DTNB: variants seen among roughly 807,000 people sequenced by gnomAD.
DTNB encodes the protein dystrobrevin beta.
DTNB carries 63 observed loss-of-function variants against 90.7 expected under a neutral mutation model. The ratio of observed to expected loss-of-function variants is 0.69; its 90% CI spans 0.57 to 0.86. The LOEUF (loss-of-function observed/expected upper bound fraction) is 0.86, where lower values mean the gene tolerates loss of function less well. Ranked by LOEUF, DTNB falls within the 40% of genes least tolerant of loss-of-function variation. The probability of loss-of-function intolerance (pLI) is 0.00; values close to 1 mark genes in which losing one functional copy is unlikely to be tolerated. For synonymous variants in DTNB, 277 were observed against 286.7 expected, an observed-to-expected ratio of 0.97 and a Z score of 0.34; for missense variants, 744 against 807.1, an observed-to-expected ratio of 0.92 and a Z score of 0.95.
At chr2:25,526,979 A>G (rs995438172) in intron 9 of DTNB, among the ~76,000 whole-genome samples, 1 of 152,206 alleles carries the variant, frequency 6.6e-6, no homozygotes, top group Admixed American at 6.5e-5. Context: ...TAAGTTATAA[A>G]TTAATAACAA....
chr2:25,436,162 T>C (rs6746076), intron 12 of DTNB, among the ~76,000 whole-genome samples: 2,000 of 152,146 alleles, frequency 0.013, 49 homozygotes, highest in African/African-American at 0.045. Flanking sequence ...TGGTGAAACC[T>C]TGTCTCTAGT....
intron 4 of DTNB, among the ~76,000 whole-genome samples, chr2:25,626,835 C>A (rs2148697579): frequency 6.6e-6 from 1 of 152,280 alleles, no homozygotes; most frequent in South Asian, 2.1e-4. Flanking sequence ...GAAGCAGAGA[C>A]AATCCATTCA....
intron 1 of DTNB, among the ~76,000 whole-genome samples, chr2:25,659,387 C>T (rs1218970474): frequency 6.6e-6 from 1 of 151,490 alleles, no homozygotes; most frequent in Non-Finnish European, 1.5e-5. Context: ...TAAAATCATA[C>T]AGAGTATGTT....
At chr2:25,389,917 A>C (rs1269717872) in intron 16 of DTNB, among the ~76,000 whole-genome samples, 1 of 152,092 alleles carries the variant, frequency 6.6e-6, no homozygotes, top group Non-Finnish European at 1.5e-5. Context: ...AAAATACAGA[A>C]AACTAAAAAG....
chr2:25,481,322 T>C (rs532518383), intron 10 of DTNB, among the ~76,000 whole-genome samples: 12 of 151,812 alleles, frequency 7.9e-5, no homozygotes, highest in African/African-American at 2.7e-4. Flanking sequence ...GGAGAATCGC[T>C]TGAACCTGGG....
At chr2:25,614,964 C>G (rs2069823987) in intron 4 of DTNB, among the ~76,000 whole-genome samples, 1 of 152,116 alleles carries the variant, frequency 6.6e-6, no homozygotes, top group African/African-American at 2.4e-5. Context: ...AGGGCTCATT[C>G]CCGCAAGACT....
intron 12 of DTNB, among the ~76,000 whole-genome samples, chr2:25,447,852 C>A (rs1355647197): frequency 1.3e-5 from 2 of 152,060 alleles, no homozygotes; most frequent in African/African-American, 4.8e-5. Flanking sequence ...TATAATGCTT[C>A]AAGGGCCTAC....
At chr2:25,444,915 T>C (rs2058160366) in intron 12 of DTNB, among the ~76,000 whole-genome samples, 1 of 152,194 alleles carries the variant, frequency 6.6e-6, no homozygotes, top group South Asian at 2.1e-4. Flanking sequence ...AGTGGCTCAA[T>C]AGTTATAAGA....
In DTNB at chr2:25,394,403, A is replaced by G. The variant is rs548809935; in HGVS notation, c.1576-6042T>C. Among the ~76,000 whole-genome samples the G allele has an allele frequency of 9.8e-5, 15 of 152,368 alleles. 1 individual carries two copies. In the South Asian group the frequency reaches 3.1e-3, roughly 32 times the overall value. On this transcript the variant is annotated intron_variant, in intron 16 of 20. Coordinates refer to ENST00000406818, the MANE Select transcript of DTNB (RefSeq NM_021907.5). ...AAAGATAAATAGATGGGACTTAATT[A>G]AACTAAATAGCTTCTGCACAGCAAA... is the stretch of plus-strand genomic sequence containing the variant.
At chr2:25,383,545 A>T in intron 19 of DTNB, 1 of 499,620 alleles carries the variant, frequency 2.0e-6, no homozygotes, top group Non-Finnish European at 3.5e-6. Flanking sequence ...ACTAGATCAT[A>T]AACTTCTCCA....
At chr2:25,439,354 T>A (rs2056810387) in intron 12 of DTNB, among the ~76,000 whole-genome samples, 1 of 151,788 alleles carries the variant, frequency 6.6e-6, no homozygotes, top group South Asian at 2.1e-4. Context: ...ACAAAAAAAA[T>A]TAACCAGGCT....
rs1315933731 is a variant in DTNB at position 25,565,510 on chromosome 2, G to A, written c.876+11328C>T. ...AGTGATTCTCCCTCCTGAGTCTCTC[G>A]AAGGGATTAAAGGTGTGAGCCACTC... On this transcript the variant is annotated intron_variant, in intron 8 of 20. Coordinates refer to ENST00000406818, the MANE Select transcript of DTNB (RefSeq NM_021907.5). 3.3e-5 allele frequency among the ~76,000 whole-genome samples: 5 copies of A among 152,060 alleles called. No individual in the cohort carries two copies. In the South Asian group the frequency reaches 6.2e-4, roughly 19 times the overall value.
chr2:25,661,388 G>A (rs2083146321), intron 1 of DTNB, among the ~76,000 whole-genome samples: 1 of 152,152 alleles, frequency 6.6e-6, no homozygotes, highest in Non-Finnish European at 1.5e-5. Context: ...TCACAGAAGA[G>A]ACAACAAAAA....
At chr2:25,548,348 G>C (rs1558983106) in intron 8 of DTNB, among the ~76,000 whole-genome samples, 1 of 151,614 alleles carries the variant, frequency 6.6e-6, no homozygotes, top group African/African-American at 2.4e-5. Context: ...TTTTGATTAT[G>C]AATTCTTGTC....
intron 8 of DTNB, among the ~76,000 whole-genome samples, chr2:25,539,085 CA>C (rs1310862588): frequency 1.3e-5 from 2 of 152,140 alleles, no homozygotes; most frequent in African/African-American, 2.4e-5. Flanking sequence ...GCAATTCATT[CA>C]TTTTTTTCAC....
At chr2:25,415,403 T>C (rs372813260) in intron 16 of DTNB, among the ~76,000 whole-genome samples, 1 of 147,556 alleles carries the variant, frequency 6.8e-6, no homozygotes, top group East Asian at 1.9e-4. Context: ...CATGCTACCA[T>C]GCCTGGCTAA....
At chr2:25,397,967 T>C (rs955584661) in intron 16 of DTNB, among the ~76,000 whole-genome samples, 2 of 151,446 alleles carry the variant, frequency 1.3e-5, no homozygotes. Context: ...ATTAAACATA[T>C]GGCGAGGACT....
At chr2:25,612,051 A>G (rs1175686432) in intron 4 of DTNB, among the ~76,000 whole-genome samples, 2 of 152,222 alleles carry the variant, frequency 1.3e-5, no homozygotes, top group Non-Finnish European at 2.9e-5. Flanking sequence ...TTCTTTTCAC[A>G]TGGAATTTAC....
intron 16 of DTNB, among the ~76,000 whole-genome samples, chr2:25,416,610 G>A (rs1345332082): frequency 6.6e-6 from 1 of 152,124 alleles, no homozygotes; most frequent in Non-Finnish European, 1.5e-5. Context: ...AGGTTGCAGT[G>A]AGCCAAGGTC....
Sources: gnomAD v4.1 joint callset for allele counts (sites outside exome capture counted in the v4.1 genomes callset) on GRCh38, gnomAD v4.1.1 for gene constraint, MANE v1.5 for transcripts, NCBI Gene and HGNC (gene_info 2026-07-23, HGNC 2026-07-21) for gene names.